VPS13B: variants seen among roughly 807,000 people sequenced by gnomAD.
The protein encoded by VPS13B is vacuolar protein sorting 13 homolog B, also known as intermembrane lipid transfer protein VPS13B.
In VPS13B, 285 loss-of-function variants were observed where a neutral mutation model predicts 426.4. The ratio of observed to expected loss-of-function variants is 0.67; its 90% CI spans 0.61 to 0.74. The LOEUF (loss-of-function observed/expected upper bound fraction) is 0.74, where lower values mean the gene tolerates loss of function less well. Among genes scored for constraint, VPS13B ranks in the 30% least tolerant of loss-of-function variants. The pLI is 0.00. For synonymous variants in VPS13B, 1,676 were observed against 1,676.4 expected (o/e 1.00, Z 0.01); for missense variants, 4,537 against 4,782.6 (o/e 0.95, Z 1.51).
chr8:99,577,639 T>C lies in VPS13B; in HGVS notation c.5220+6T>C, dbSNP rs1417686450. ...CATCAAACAAGGCTGCAGAGGTAAC[T>C]GTTACCTGATTTTGATCAGGCTTAC... On this transcript the variant is annotated splice_donor_region_variant and intron_variant, in intron 33 of 61. Transcript: ENST00000357162. The C allele has an allele frequency of 6.2e-7, 1 of 1,613,346 alleles. No homozygotes were observed. Among genetic ancestry groups the C allele is most frequent in the Non-Finnish European group, 8.5e-7 (1 of 1,179,694 alleles).
chr8:99,876,001 A>AACAGGGCCCTATATGCTC lies in VPS13B; in HGVS notation c.*350_*351insCTCACAGGGCCCTATATG. The AACAGGGCCCTATATGCTC allele has an allele frequency of 2.8e-6, 1 of 359,504 alleles. No homozygotes were observed. The highest frequency in any genetic ancestry group is 2.7e-5 in the South Asian group (1 of 37,266). 22.3% of individuals were successfully genotyped at this position (359,504 alleles called of 1,614,324 possible). A position where few individuals can be genotyped will look rare whatever the true frequency, so the allele number is the denominator to read the frequency against. ...CCTTCCCCACTTAGAGACAATGATT[A>AACAGGGCCCTATATGCTC]ACAGGGCCCTATATGTTCTTACCAC... On this transcript the variant is annotated 3_prime_UTR_variant, in exon 62 of 62. Coordinates refer to ENST00000357162, the MANE Select transcript of VPS13B (RefSeq NM_152564.5).
chr8:99,851,714 G>A (rs1477092373), intron 55 of VPS13B, among the ~76,000 whole-genome samples: 2 of 152,040 alleles, frequency 1.3e-5, no homozygotes, highest in African/African-American at 2.4e-5. Context: ...CCCAGTGGAG[G>A]GGGTGGAAGT....
At chr8:99,053,296 G>T (rs768517994) in intron 3 of VPS13B, among the ~76,000 whole-genome samples, 2 of 151,576 alleles carry the variant, frequency 1.3e-5, no homozygotes, top group Non-Finnish European at 2.9e-5. Context: ...CCCGCTCCCC[G>T]CACCCCACAA....
At chr8:99,820,234 T>C in intron 49 of VPS13B, 112 bp downstream of exon 49, 1 of 1,002,122 alleles carries the variant, frequency 1.0e-6, no homozygotes, top group South Asian at 1.4e-5. Context: ...AAATTCTTCT[T>C]AGATGCATAT....
chr8:99,273,657 G>A (rs1448998965), intron 17 of VPS13B, among the ~76,000 whole-genome samples: 1 of 151,952 alleles, frequency 6.6e-6, no homozygotes, highest in African/African-American at 2.4e-5. Flanking sequence ...GGTGGAATGC[G>A]CCCGTAATCC....
rs71273170 is a variant in VPS13B, at chr8:99,270,131, CTTTTTT to C, written c.2516-4046_2516-4041del. 4.9e-3 allele frequency among the ~76,000 whole-genome samples: 150 copies of C among 30,314 alleles called. 2 individuals carry two copies. The highest frequency in any genetic ancestry group is 9.3e-3 in the Admixed American group (15 of 1,606). 19.9% of individuals were successfully genotyped at this position (30,314 alleles called of 152,430 possible). A position where few individuals can be genotyped will look rare whatever the true frequency, so the allele number is the denominator to read the frequency against. The stretch of plus-strand genomic sequence containing the variant: ...ATATAGGTATATAAGATATAAGAAT[CTTTTTT>C]TTTTTTTTTTTTTTTTTTTTGAGAC... On this transcript the variant is annotated intron_variant, in intron 17 of 61. Transcript: ENST00000357162.
At chr8:99,734,859 G>C (rs977273878) in intron 39 of VPS13B, among the ~76,000 whole-genome samples, 1 of 152,168 alleles carries the variant, frequency 6.6e-6, no homozygotes, top group Non-Finnish European at 1.5e-5. Flanking sequence ...ATGGTAATGG[G>C]AAGGGAAAAT....
intron 17 of VPS13B, among the ~76,000 whole-genome samples, chr8:99,269,184 T>TA (rs1165441074): frequency 1.3e-5 from 2 of 152,196 alleles, no homozygotes; most frequent in African/African-American, 4.8e-5. Flanking sequence ...GATGGACTAA[T>TA]ACAGAGGAGG....
chr8:99,676,101 C>T (rs914571653), intron 35 of VPS13B, among the ~76,000 whole-genome samples: 3 of 151,942 alleles, frequency 2.0e-5, no homozygotes, highest in East Asian at 1.9e-4. Flanking sequence ...TGAGAATGCC[C>T]TTCAACAGTA....
Position 99,576,454 on chromosome 8 carries a change from A to G in VPS13B, c.5076+670A>G, listed in dbSNP as rs139383009. ...GAGGAATAGAATAAGAATTCTAACT[A>G]GAGTGAATGAATACAGAGAACTTGT... is the stretch of plus-strand genomic sequence containing the variant. On this transcript the variant is annotated intron_variant, in intron 32 of 61. Transcript: ENST00000357162. Among the ~76,000 whole-genome samples, 5 of 152,170 alleles carry G rather than the reference A, an allele frequency of 3.3e-5. No homozygotes were observed. The East Asian group carries it at 9.7e-4, about 29-fold the overall frequency.
chr8:99,532,532 T>C (rs1053434822), intron 30 of VPS13B, among the ~76,000 whole-genome samples: 4 of 152,186 alleles, frequency 2.6e-5, no homozygotes, highest in African/African-American at 9.6e-5. Flanking sequence ...TTAGAAGACA[T>C]GTGTTAGTAA....
chr8:99,551,809 T>C (rs761481992), intron 30 of VPS13B, among the ~76,000 whole-genome samples: 1 of 152,160 alleles, frequency 6.6e-6, no homozygotes, highest in African/African-American at 2.4e-5. Context: ...TTATTATTAA[T>C]TTAAACATAA....
rs556493073 is a variant in VPS13B, at chr8:99,430,776, C to T, written c.3083-761C>T. 5.2e-4 allele frequency among the ~76,000 whole-genome samples: 77 copies of T among 148,326 alleles called. 1 individual carries two copies. The South Asian group carries it at 0.016, about 31-fold the overall frequency. ...TGTTGCCCAGGCTGTAGTGCAGTGGCGCAATCTCAGCTCATTGCAGCAACC... is the reference window on the plus strand; with the variant it reads ...TGTTGCCCAGGCTGTAGTGCAGTGGTGCAATCTCAGCTCATTGCAGCAACC... On this transcript the variant is annotated intron_variant, in intron 21 of 61. Coordinates refer to ENST00000357162, the MANE Select transcript of VPS13B (RefSeq NM_152564.5).
At chr8:99,049,223 T>G (rs1160883315) in intron 3 of VPS13B, among the ~76,000 whole-genome samples, 1 of 152,148 alleles carries the variant, frequency 6.6e-6, no homozygotes, top group Admixed American at 6.6e-5. Context: ...ATACCTTTTT[T>G]TTTTTCAAAT....
chr8:99,199,269 C>T (rs1329810303), intron 17 of VPS13B, among the ~76,000 whole-genome samples: 1 of 152,060 alleles, frequency 6.6e-6, no homozygotes, highest in Admixed American at 6.6e-5. Context: ...GCAAGCTCCG[C>T]CTCCTGGGTT....
At chr8:99,765,131 A>G (rs928404110) in intron 39 of VPS13B, among the ~76,000 whole-genome samples, 4 of 152,148 alleles carry the variant, frequency 2.6e-5, no homozygotes, top group Non-Finnish European at 5.9e-5. Context: ...CTGTAATCCC[A>G]GCTACTCGGG....
At chr8:99,792,731 A>C (rs1812613367) in intron 43 of VPS13B, among the ~76,000 whole-genome samples, 1 of 152,172 alleles carries the variant, frequency 6.6e-6, no homozygotes, top group Non-Finnish European at 1.5e-5. Flanking sequence ...GTAGAGTCTT[A>C]CCAAGTCAAG....
chr8:99,873,021 T>C (rs1223824612), intron 61 of VPS13B, among the ~76,000 whole-genome samples: 5 of 152,224 alleles, frequency 3.3e-5, no homozygotes, highest in Admixed American at 3.3e-4. Context: ...GCTGACTTTA[T>C]TAGATCTGCC....
chr8:99,842,234 G>A (rs545333282), intron 54 of VPS13B, among the ~76,000 whole-genome samples: 1 of 152,256 alleles, frequency 6.6e-6, no homozygotes, highest in Admixed American at 6.5e-5. Context: ...AAATGCCTAA[G>A]TAGCATATTT....
Sources: allele counts gnomAD v4.1 joint callset (sites outside exome capture counted in the v4.1 genomes callset), GRCh38; gene constraint gnomAD v4.1.1; transcripts MANE v1.5; gene names NCBI Gene and HGNC (gene_info 2026-07-23, HGNC 2026-07-21).